Variants in SEZ6L observed in about 807,000 individuals in gnomAD.
SEZ6L encodes seizure related 6 homolog like, also known as seizure 6-like protein.
Under a neutral mutation model 106.2 loss-of-function variants are expected in SEZ6L, and 37 were observed. That is an observed-to-expected ratio of 0.35 (90% CI 0.27 to 0.46). The LOEUF (loss-of-function observed/expected upper bound fraction) is 0.46, where lower values mean the gene tolerates loss of function less well. Ranked by LOEUF, SEZ6L falls within the 20% of genes least tolerant of loss-of-function variation. The probability of loss-of-function intolerance (pLI) is 1.00; values close to 1 mark genes in which losing one functional copy is unlikely to be tolerated. For missense variants in SEZ6L, 1,172 were observed against 1,332.8 expected, an observed-to-expected ratio of 0.88 and a Z score of 1.88; for synonymous variants, 541 against 570.4, an observed-to-expected ratio of 0.95 and a Z score of 0.73.
At chr22:26,218,937 CA>C (rs778493665) in intron 1 of SEZ6L, among the ~76,000 whole-genome samples, 2 of 145,058 alleles carry the variant, frequency 1.4e-5, no homozygotes, top group African/African-American at 2.6e-5. Context: ...GACTCTGTCT[CA>C]AAAAAAAAGA....
intron 1 of SEZ6L, among the ~76,000 whole-genome samples, chr22:26,261,640 GA>G (rs1569427666): frequency 6.6e-6 from 1 of 152,190 alleles, no homozygotes; most frequent in Non-Finnish European, 1.5e-5. Context: ...GACAGACTCT[GA>G]ACAAGGAGTT....
rs1194850723 is a variant in SEZ6L at position 26,292,861 on chromosome 22, C to A, written c.550C>A (p.Leu184Ile). ...VASEEASEVPLWLDRKESAVP... is the reference protein window; with the variant it reads ...VASEEASEVPIWLDRKESAVP... ...CTCCGAGGAGGCATCAGAAGTGCCC[C>A]TTTGGCTGGACCGAAAGGAGAGTGC... is the stretch of plus-strand genomic sequence containing the variant. Residue 184 changes from leucine (L) to isoleucine (I), a missense_variant, in exon 2 of 17, where the codon CTT (leucine) becomes ATT (isoleucine). Leu to Ile is a conservative substitution (Grantham distance 5). Coordinates refer to ENST00000248933, the MANE Select transcript of SEZ6L (RefSeq NM_021115.5). 1.2e-6 allele frequency: 2 copies of A among 1,614,174 alleles called. No homozygotes were observed. The highest frequency in any genetic ancestry group is 8.5e-7 in the Non-Finnish European group (1 of 1,180,006).
In SEZ6L at chr22:26,292,409, C is replaced by T; in HGVS notation, c.98C>T (p.Ala33Val). The T allele has an allele frequency of 3.7e-6, 6 of 1,609,836 alleles. No homozygotes were observed. The highest frequency in any genetic ancestry group is 4.2e-6 in the Non-Finnish European group (5 of 1,177,622). Reference sequence around the variant, plus strand: ...GTGTCTTTTCTCCTCTTCCAAGATGCTCTTCCCGAGGGAGATGCTAGCCCT... The same window carrying T: ...GTGTCTTTTCTCCTCTTCCAAGATGTTCTTCCCGAGGGAGATGCTAGCCCT... ...GSPAAALERD[A>V]LPEGDASPLG... The change falls in exon 2 of 17, where the codon GCT becomes GTT. Residue 33 changes from alanine (A) to valine (V), a missense_variant. Ala to Val is a moderately conservative substitution (Grantham distance 64). Around this residue, in one of 4 missense-constraint regions of SEZ6L, gnomAD observed 494 missense variants for 445.8 expected, o/e 1.11. Transcript: ENST00000248933.
intron 1 of SEZ6L, among the ~76,000 whole-genome samples, chr22:26,245,345 C>T (rs375223092): frequency 1.1e-4 from 16 of 152,222 alleles, no homozygotes; most frequent in African/African-American, 2.4e-4. Flanking sequence ...ACAAGAGAGA[C>T]GAGAGACAAA....
At position 26,219,254 on chromosome 22, in the gene SEZ6L, GTT is replaced by G. The variant is rs10635478; in HGVS notation, c.94+49506_94+49507del. Among the ~76,000 whole-genome samples the G allele has an allele frequency of 8.0e-4, 108 of 135,100 alleles. 1 individual carries two copies. Among genetic ancestry groups the G allele is most frequent in the African/African-American group, 2.4e-3 (89 of 36,734 alleles). The allele number at this position is 135,100 out of a possible 152,430, so 88.6% of individuals were successfully genotyped here. ...CATAGAAGATGTTCGAGAAATACAA[GTT>G]TTTTTTTTTTTTTTCGCTCCTGGCA... On this transcript the variant is annotated intron_variant, in intron 1 of 16. Transcript: ENST00000248933.
intron 13 of SEZ6L, among the ~76,000 whole-genome samples, chr22:26,370,865 A>G (rs1410417246): frequency 1.3e-5 from 2 of 151,982 alleles, no homozygotes; most frequent in Non-Finnish European, 2.9e-5. Flanking sequence ...TTAGCGGGGC[A>G]TGGTGACACA....
chr22:26,309,670 C>G (rs1490689652), intron 6 of SEZ6L, among the ~76,000 whole-genome samples: 1 of 152,148 alleles, frequency 6.6e-6, no homozygotes, highest in Non-Finnish European at 1.5e-5. Flanking sequence ...TCTCTGGCTT[C>G]CAGGTTCAAG....
At position 26,296,512 on chromosome 22, in the gene SEZ6L, G is replaced by C. The variant is rs144713788; in HGVS notation, c.970-376G>C. 4.0e-3 allele frequency among the ~76,000 whole-genome samples: 613 copies of C among 152,282 alleles called. 5 individuals carry two copies. The highest frequency in any genetic ancestry group is 0.014 in the African/African-American group (596 of 41,556). ...TGCTTCTCCCGGCTCCCTGGAGATTGGATCTCAAGCACAAGCTGATCCAAC... is the reference window on the plus strand; with the variant it reads ...TGCTTCTCCCGGCTCCCTGGAGATTCGATCTCAAGCACAAGCTGATCCAAC... On this transcript the variant is annotated intron_variant, in intron 3 of 16. Transcript: ENST00000248933.
chr22:26,209,845 A>AAGGAAGGAAGGAAAGAAGGGAGAG (rs1204726546), intron 1 of SEZ6L, among the ~76,000 whole-genome samples: 15 of 60,632 alleles, frequency 2.5e-4, no homozygotes, highest in African/African-American at 1.2e-3. Context: ...AGGAGGAAGG[A>AAGGAAGGAAGGAAAGAAGGGAGAG]AGGAATGAAG....
chr22:26,255,844 C>A (rs969883844), intron 1 of SEZ6L, among the ~76,000 whole-genome samples: 1 of 152,210 alleles, frequency 6.6e-6, no homozygotes, highest in South Asian at 2.1e-4. Flanking sequence ...AGGGCCTCTG[C>A]CTTCGTGGAG....
chr22:26,337,919 C>A (rs1438209354), intron 9 of SEZ6L, among the ~76,000 whole-genome samples: 1 of 152,166 alleles, frequency 6.6e-6, no homozygotes, highest in Non-Finnish European at 1.5e-5. Flanking sequence ...ACAATCCCTG[C>A]CCTCCCAGAA....
At chr22:26,365,194 G>A (rs143469998) in intron 12 of SEZ6L, among the ~76,000 whole-genome samples, 178 bp from the exon 13 acceptor site, 3 of 152,288 alleles carry the variant, frequency 2.0e-5, no homozygotes, top group Admixed American at 6.5e-5. Context: ...TGTAATCTGT[G>A]CCCAGAGGTG....
chr22:26,233,718 C>T (rs2078871379), intron 1 of SEZ6L, among the ~76,000 whole-genome samples: 1 of 152,142 alleles, frequency 6.6e-6, no homozygotes, highest in Admixed American at 6.5e-5. Context: ...AGATGACAAA[C>T]AAGTAAACCC....
chr22:26,219,765 A>C (rs926938094), intron 1 of SEZ6L, among the ~76,000 whole-genome samples: 7 of 152,230 alleles, frequency 4.6e-5, no homozygotes, highest in Non-Finnish European at 8.8e-5. Context: ...ACAGTGTCAC[A>C]GGGAAGGGAA....
intron 9 of SEZ6L, among the ~76,000 whole-genome samples, chr22:26,329,870 A>G (rs576030924): frequency 6.6e-6 from 1 of 152,378 alleles, no homozygotes; most frequent in South Asian, 2.1e-4. Flanking sequence ...AAAAAAAACT[A>G]TAAATATTTT....
intron 1 of SEZ6L, among the ~76,000 whole-genome samples, chr22:26,214,089 A>C (rs892482428): frequency 9.9e-5 from 15 of 152,260 alleles, no homozygotes; most frequent in African/African-American, 3.6e-4. Context: ...TCAAGAATTC[A>C]AAGAGGTCTG....
chr22:26,279,066 C>T (rs1290909290), intron 1 of SEZ6L, among the ~76,000 whole-genome samples: 3 of 151,532 alleles, frequency 2.0e-5, no homozygotes, highest in African/African-American at 7.3e-5. Flanking sequence ...TCCCCCCCAA[C>T]CACGTTGAAT....
chr22:26,190,090 G>C (rs1211790685), intron 1 of SEZ6L, among the ~76,000 whole-genome samples: 1 of 149,488 alleles, frequency 6.7e-6, no homozygotes, highest in East Asian at 2.0e-4. Flanking sequence ...GAGCAAGACT[G>C]TGTCTAAAAA....
intron 1 of SEZ6L, among the ~76,000 whole-genome samples, chr22:26,209,849 AATGAAGGAAAGAAGGGAGAG>A (rs2078098894): frequency 6.8e-6 from 1 of 147,882 alleles, no homozygotes; most frequent in African/African-American, 2.5e-5. Flanking sequence ...GGAAGGAAGG[AATGAAGGAAAGAAGGGAGAG>A]AGGAAGGAAG....
Sources: allele counts gnomAD v4.1 joint callset (sites outside exome capture counted in the v4.1 genomes callset), GRCh38; gene constraint gnomAD v4.1.1; regional missense constraint gnomAD v4.1.1; transcripts MANE v1.5; gene names NCBI Gene and HGNC (gene_info 2026-07-23, HGNC 2026-07-21).